The following INSL6 variants were observed in gnomAD, a reference collection of about 807,000 sequenced individuals.
INSL6 encodes insulin like 6, also known as insulin-like peptide INSL6.
A neutral mutation model predicts 9.4 loss-of-function variants in INSL6; 16 were observed. The ratio of observed to expected loss-of-function variants is 1.70; its 90% confidence interval spans 1.15 to 2.59. INSL6 has a LOEUF of 2.59. Ranked by LOEUF, INSL6 falls within the 30% of genes most tolerant of loss-of-function variation. The pLI, the probability that INSL6 is intolerant of heterozygous loss-of-function variation, is 0.00. For synonymous variants in INSL6, 154 were observed against 96.9 expected (o/e 1.59, Z -3.46); for missense variants, 391 against 257.3 (o/e 1.52, Z -3.56).
At chr9:5,136,876 C>G (rs186831295) in intron 2 of INSL6, among the ~76,000 whole-genome samples, 9 of 152,266 alleles carry the variant, frequency 5.9e-5, no homozygotes, top group African/African-American at 2.2e-4. Flanking sequence ...AAAACCCCAT[C>G]GTCTCAGCCC....
At chr9:5,010,552 C>T in the INSL6 span, among the ~76,000 whole-genome samples, 1 of 152,150 alleles carries the variant, frequency 6.6e-6, no homozygotes, top group Non-Finnish European at 1.5e-5. Context: ...AACTCCTGAC[C>T]TCAGGTGATT....
At chr9:5,034,228 C>T in the INSL6 span, among the ~76,000 whole-genome samples, 2 of 152,140 alleles carry the variant, frequency 1.3e-5, no homozygotes, top group African/African-American at 4.8e-5. Flanking sequence ...CAGGAGCACC[C>T]AGATTCATAA....
chr9:5,104,178 A>C, the INSL6 span, among the ~76,000 whole-genome samples: 1 of 152,130 alleles, frequency 6.6e-6, no homozygotes, highest in African/African-American at 2.4e-5. Context: ...AAGACTAATA[A>C]AGAAGAAAAG....
chr9:5,030,759 T>C, the INSL6 span, among the ~76,000 whole-genome samples: 1 of 152,136 alleles, frequency 6.6e-6, no homozygotes, highest in African/African-American at 2.4e-5. Flanking sequence ...ATTGTTTTGC[T>C]TCTTTCTCTT....
At chr9:5,110,905 C>G in the INSL6 span, 17 of 556,378 alleles carry the variant, frequency 3.1e-5, no homozygotes, top group Non-Finnish European at 5.1e-5. Context: ...CCGCTCTGGC[C>G]CCAAGAGAAT....
At chr9:5,069,304 A>G in the INSL6 span, 1 of 742,998 alleles carries the variant, frequency 1.3e-6, no homozygotes, top group South Asian at 2.1e-5. Context: ...GGATATATGA[A>G]AGAAGCAGCT....
chr9:5,148,279 G>A (rs1364917641), intron 2 of INSL6, among the ~76,000 whole-genome samples: 4 of 152,180 alleles, frequency 2.6e-5, no homozygotes, highest in Admixed American at 1.3e-4. Flanking sequence ...ACATGGTTAC[G>A]TAGAGAGGAG....
chr9:5,111,057 T>C, the INSL6 span: 39 of 1,095,942 alleles, frequency 3.6e-5, no homozygotes, highest in Non-Finnish European at 4.5e-5. Flanking sequence ...GAGGTTCAGG[T>C]CTTGAGAACT....
chr9:5,054,676 G>T, the INSL6 span: 1 of 1,613,408 alleles, frequency 6.2e-7, no homozygotes, highest in South Asian at 1.1e-5. The surrounding 1 kb of genome is among the most constrained non-coding windows in gnomAD (Gnocchi z 4.9). Context: ...TTCAGCCAAT[G>T]CAAAGCCACT....
chr9:5,184,982 G>C (rs1455140251), intron 1 of INSL6, among the ~76,000 whole-genome samples: 2 of 152,224 alleles, frequency 1.3e-5, no homozygotes, highest in East Asian at 3.9e-4. Context: ...GCCATGAAAA[G>C]GTCAATGATG....
chr9:5,121,898 G>C (rs1249931830), downstream of INSL6, among the ~76,000 whole-genome samples: 3 of 152,142 alleles, frequency 2.0e-5, no homozygotes. Flanking sequence ...ATTTTGCAAG[G>C]AGTGAGGGAA....
the INSL6 span, among the ~76,000 whole-genome samples, chr9:5,053,238 T>C: frequency 1.3e-5 from 2 of 152,130 alleles, no homozygotes; most frequent in African/African-American, 4.8e-5. Context: ...ATGTTTGGCA[T>C]CTTTTCATGT....
chr9:5,112,627 C>A, the INSL6 span: 1 of 984,256 alleles, frequency 1.0e-6, no homozygotes, highest in Non-Finnish European at 1.5e-6. Context: ...AACTGCACCT[C>A]AACAGCGAGA....
the INSL6 span, among the ~76,000 whole-genome samples, chr9:5,089,165 A>G: frequency 6.6e-6 from 1 of 152,188 alleles, no homozygotes; most frequent in Non-Finnish European, 1.5e-5. Context: ...TTTTGAAGAA[A>G]TTAAATTTAC....
At chr9:5,008,543 A>C in the INSL6 span, among the ~76,000 whole-genome samples, 218 of 152,304 alleles carry the variant, frequency 1.4e-3, 1 homozygote, top group Non-Finnish European at 2.7e-3. Context: ...CTAAGGGCCC[A>C]TTTGAGTATG....
chr9:5,041,981 T>C, the INSL6 span: 18 of 366,200 alleles, frequency 4.9e-5, no homozygotes, highest in East Asian at 1.3e-3. Flanking sequence ...GGAGCGAGCT[T>C]GTGTGAGGGC....
chr9:5,085,476 C>G, the INSL6 span: 1 of 724,836 alleles, frequency 1.4e-6, no homozygotes. Flanking sequence ...GTGCAAATCT[C>G]TCATGCTCAT....
At chr9:5,108,606 A>G in the INSL6 span, 1 of 152,184 alleles carries the variant, frequency 6.6e-6, no homozygotes, top group South Asian at 2.1e-4. Flanking sequence ...TGCCGGCTCA[A>G]CAGTACTTGC....
intron 2 of INSL6, among the ~76,000 whole-genome samples, chr9:5,134,963 T>A (rs567673093): frequency 6.6e-6 from 1 of 151,968 alleles, no homozygotes; most frequent in Non-Finnish European, 1.5e-5. Flanking sequence ...AAGACACACA[T>A]AGGCTCAAAA....
Sources: allele counts gnomAD v4.1 joint callset (sites outside exome capture counted in the v4.1 genomes callset), GRCh38; gene constraint gnomAD v4.1.1; non-coding constraint Gnocchi (gnomAD v3.1); transcripts MANE v1.5; gene names NCBI Gene and HGNC (gene_info 2026-07-23, HGNC 2026-07-21).